KCNH1: variants seen among roughly 807,000 people sequenced by gnomAD.
KCNH1 encodes the protein voltage-gated delayed rectifier potassium channel KCNH1.
In KCNH1, 27 loss-of-function variants were observed where a neutral mutation model predicts 69.2. The observed-to-expected ratio is 0.39, with a 90% confidence interval of 0.29 to 0.54. The LOEUF (loss-of-function observed/expected upper bound fraction) is 0.54. Among genes scored for constraint, KCNH1 ranks in the 20% least tolerant of loss-of-function variants. KCNH1 has a pLI of 0.68. For synonymous variants in KCNH1, 456 were observed against 487.7 expected, an observed-to-expected ratio of 0.93 and a Z score of 0.86; for missense variants, 798 against 1,261.6, an observed-to-expected ratio of 0.63 and a Z score of 5.57.
intron 5 of KCNH1, among the ~76,000 whole-genome samples, chr1:211,050,409 C>T (rs1051603186): frequency 6.6e-6 from 1 of 152,020 alleles, no homozygotes; most frequent in Non-Finnish European, 1.5e-5. Context: ...ACACCCTTCT[C>T]CATAAACCAG....
At chr1:210,925,078 AGG>A (rs1249294918) in intron 6 of KCNH1, among the ~76,000 whole-genome samples, 1 of 152,240 alleles carries the variant, frequency 6.6e-6, no homozygotes, top group East Asian at 1.9e-4. Context: ...ATATCAATGT[AGG>A]AACAAAGGAA....
At chr1:210,700,468 C>T (rs975025163) in intron 10 of KCNH1, among the ~76,000 whole-genome samples, 1 of 152,184 alleles carries the variant, frequency 6.6e-6, no homozygotes, top group South Asian at 2.1e-4. Flanking sequence ...GTTGCTCTGC[C>T]TGGGTTTCAA....
At chr1:211,113,096 T>C (rs1392972433) in intron 1 of KCNH1, among the ~76,000 whole-genome samples, 2 of 152,332 alleles carry the variant, frequency 1.3e-5, no homozygotes, top group East Asian at 3.9e-4. Flanking sequence ...ATGGTTTTTT[T>C]CAACCTTTAC....
At chr1:210,733,045 A>G (rs1315475840) in intron 10 of KCNH1, among the ~76,000 whole-genome samples, 1 of 152,228 alleles carries the variant, frequency 6.6e-6, no homozygotes, top group Non-Finnish European at 1.5e-5. Flanking sequence ...CTGAGAGTTA[A>G]AAGAAACAGA....
intron 6 of KCNH1, among the ~76,000 whole-genome samples, chr1:210,956,387 G>T (rs1688177771): frequency 6.6e-6 from 1 of 152,124 alleles, no homozygotes; most frequent in Admixed American, 6.6e-5. Flanking sequence ...TCTCTGCCAG[G>T]CTTTGGTATC....
chr1:210,845,572 C>T (rs555935789), intron 7 of KCNH1, among the ~76,000 whole-genome samples: 11 of 152,224 alleles, frequency 7.2e-5, no homozygotes, highest in African/African-American at 1.9e-4. Context: ...ATTGATGGGA[C>T]GTATCTCAAA....
intron 10 of KCNH1, among the ~76,000 whole-genome samples, chr1:210,702,783 A>AAAAG (rs1345445513): frequency 6.6e-6 from 1 of 152,152 alleles, no homozygotes; most frequent in Admixed American, 6.5e-5. Context: ...TTTGCAAGAG[A>AAAAG]AAAGAAAAAA....
chr1:210,970,496 C>T (rs1346309806), intron 6 of KCNH1, among the ~76,000 whole-genome samples: 1 of 152,098 alleles, frequency 6.6e-6, no homozygotes, highest in Non-Finnish European at 1.5e-5. Context: ...ATATCTACAA[C>T]CATCTGATCT....
intron 6 of KCNH1, among the ~76,000 whole-genome samples, chr1:211,007,267 G>C (rs1689302297): frequency 6.6e-6 from 1 of 152,160 alleles, no homozygotes; most frequent in Admixed American, 6.5e-5. Flanking sequence ...GAAATCATAA[G>C]ATGTCTGCAT....
At chr1:210,766,116 C>G (rs549474492) in intron 10 of KCNH1, among the ~76,000 whole-genome samples, 3 of 152,054 alleles carry the variant, frequency 2.0e-5, no homozygotes, top group Non-Finnish European at 4.4e-5. Flanking sequence ...GAGGGACATG[C>G]CCAATATTGG....
At chr1:210,792,687 T>TAA (rs74449886) in intron 9 of KCNH1, among the ~76,000 whole-genome samples, 11 of 139,328 alleles carry the variant, frequency 7.9e-5, no homozygotes, top group African/African-American at 2.7e-4. Context: ...CCAAGAAAAT[T>TAA]AAAAAAAAAA....
At chr1:210,959,321 G>A (rs1298362552) in intron 6 of KCNH1, among the ~76,000 whole-genome samples, 1 of 152,140 alleles carries the variant, frequency 6.6e-6, no homozygotes, top group African/African-American at 2.4e-5. Flanking sequence ...CCTATATGAG[G>A]TGTCTGTCAG....
chr1:210,707,622 C>T (rs371749378), intron 10 of KCNH1, among the ~76,000 whole-genome samples: 4 of 152,148 alleles, frequency 2.6e-5, no homozygotes, highest in Admixed American at 6.5e-5. Flanking sequence ...AGAGGGAAAA[C>T]GAAACATCTT....
intron 1 of KCNH1, among the ~76,000 whole-genome samples, chr1:211,118,297 T>G (rs1200277042): frequency 6.6e-6 from 1 of 152,216 alleles, no homozygotes; most frequent in East Asian, 1.9e-4. Flanking sequence ...AATAACCCAT[T>G]CTGAAGCATC....
chr1:211,068,705 T>C (rs1571621703), intron 5 of KCNH1, among the ~76,000 whole-genome samples: 1 of 152,166 alleles, frequency 6.6e-6, no homozygotes, highest in Non-Finnish European at 1.5e-5. Flanking sequence ...CAACTCTTCT[T>C]AGATACATCA....
intron 7 of KCNH1, among the ~76,000 whole-genome samples, chr1:210,885,065 C>T (rs1393234640): frequency 6.6e-6 from 1 of 152,210 alleles, no homozygotes; most frequent in African/African-American, 2.4e-5. Flanking sequence ...CCAGTGCACA[C>T]AGATAAGGAC....
chr1:210,910,171 C>T (rs1013209196), intron 7 of KCNH1, among the ~76,000 whole-genome samples: 3 of 141,418 alleles, frequency 2.1e-5, no homozygotes, highest in African/African-American at 2.7e-5. Context: ...CAGAGGTGGT[C>T]GTCAAGCACC....
chr1:210,785,498 G>A (rs774452313), intron 9 of KCNH1, among the ~76,000 whole-genome samples: 4 of 151,630 alleles, frequency 2.6e-5, no homozygotes, highest in African/African-American at 4.9e-5. Flanking sequence ...GGGTTCAAGC[G>A]GTTCTCCTAC....
At chr1:210,959,871 G>A (rs764892099) in intron 6 of KCNH1, among the ~76,000 whole-genome samples, 3 of 152,212 alleles carry the variant, frequency 2.0e-5, no homozygotes, top group African/African-American at 4.8e-5. Flanking sequence ...CCCAGGTGAG[G>A]CAATGCCCCG....
Sources: gnomAD v4.1 joint callset for allele counts (sites outside exome capture counted in the v4.1 genomes callset) on GRCh38, gnomAD v4.1.1 for gene constraint, MANE v1.5 for transcripts, NCBI Gene and HGNC (gene_info 2026-07-23, HGNC 2026-07-21) for gene names.